COL12A1: variants seen among roughly 807,000 people sequenced by gnomAD.
COL12A1 encodes collagen type XII alpha 1 chain, also known as collagen alpha-1(XII) chain.
COL12A1 carries 114 observed loss-of-function variants against 349.7 expected under a neutral mutation model. The observed-to-expected ratio is 0.33, with a 90% CI of 0.28 to 0.38. The LOEUF (loss-of-function observed/expected upper bound fraction) is 0.38. Among genes scored for constraint, COL12A1 ranks in the 10% least tolerant of loss-of-function variants. The probability of loss-of-function intolerance (pLI) is 1.00; values close to 1 mark genes in which losing one functional copy is unlikely to be tolerated. For missense variants in COL12A1, 3,284 were observed against 3,756.9 expected (o/e 0.87, Z 3.29); for synonymous variants, 1,369 against 1,329.0 (o/e 1.03, Z -0.66).
rs566758431 is a variant in COL12A1 at position 75,186,199 on chromosome 6, A to G, written c.998-2055T>C. ...ACAGACAACATACAAAATGGGAGAA[A>G]ATTTTTGCAAACTATGCATCCAACA... On this transcript the variant is annotated intron_variant, in intron 8 of 65. Transcript: ENST00000322507. 2.8e-4 allele frequency among the ~76,000 whole-genome samples: 42 copies of G among 152,324 alleles called. No individual in the cohort carries two copies. In the South Asian group the frequency reaches 4.8e-3, roughly 17 times the overall value.
rs1225996894 is a variant in COL12A1 at position 75,146,164 on chromosome 6, C to G, written c.4498G>C (p.Ala1500Pro). Residue 1500 changes from alanine to proline, a missense_variant, in exon 24 of 66, where the codon GCT (alanine) becomes CCT (proline). This residue lies in a region of COL12A1 where 2,601 missense variants were observed against 2,824.8 expected (regional missense o/e 0.92). Coordinates refer to ENST00000322507, the MANE Select transcript of COL12A1 (RefSeq NM_004370.6). The part of the protein sequence containing the change: ...MHVQWQPVGG[A>P]TGYILSYKPV... ...TTGTATGACAAGATGTAGCCAGTAG[C>G]TCCTCCCACAGGCTGCCACTGCACA... 2 of 1,613,558 alleles carry G rather than the reference C, an allele frequency of 1.2e-6. No individual in the cohort carries two copies. Among genetic ancestry groups the G allele is most frequent in the African/African-American group, 2.7e-5 (2 of 74,902 alleles).
In COL12A1 at chr6:75,145,321, C is replaced by T. The variant is rs1767120188; in HGVS notation, c.4690+5G>A. On this transcript the variant is annotated splice_donor_5th_base_variant and intron_variant, in intron 25 of 65. Transcript: ENST00000322507. ...GAAGGGAAATAAAACTAAGCAGTAG[C>T]TTACAGGTGACTTCCCGAACAGTGA... is the stretch of plus-strand genomic sequence containing the variant. The T allele has an allele frequency of 6.3e-7, 1 of 1,599,774 alleles. No individual in the cohort carries two copies. The highest frequency in any genetic ancestry group is 8.5e-7 in the Non-Finnish European group (1 of 1,170,132).
Position 75,142,055 on chromosome 6 carries a change from G to C in COL12A1, c.4934C>G (p.Pro1645Arg). Residue 1645 changes from proline (P) to arginine (R), a missense_variant, in exon 27 of 66, where the codon CCA (proline) becomes CGA (arginine). By Grantham distance (103) the Pro-to-Arg change is moderately radical (BLOSUM62 -2). Around this residue, in one of 2 missense-constraint regions of COL12A1, gnomAD observed 2,601 missense variants for 2,824.8 expected, o/e 0.92. Transcript: ENST00000322507. ...SAVHDEGESP[P>R]VTAQETTRPV... ...ACGGGTAGTTTCTTGAGCAGTCACT[G>C]GAGGAGACTCCCCCTCGTCATGTAC... The C allele has an allele frequency of 6.2e-7, 1 of 1,614,102 alleles. No homozygotes were observed. The highest frequency in any genetic ancestry group is 1.1e-5 in the South Asian group (1 of 91,076).
chr6:75,096,874 C>T (rs1484653905), intron 59 of COL12A1, among the ~76,000 whole-genome samples: 1 of 117,026 alleles, frequency 8.5e-6, no homozygotes, highest in Non-Finnish European at 1.6e-5. Flanking sequence ...CCAGCCTGGG[C>T]GACAGAGCGA....
chr6:75,147,407 G>T (rs1234011126), intron 23 of COL12A1, among the ~76,000 whole-genome samples: 1 of 152,172 alleles, frequency 6.6e-6, no homozygotes, highest in Non-Finnish European at 1.5e-5. Flanking sequence ...TCTAAGAAGT[G>T]AATAACTCCA....
intron 29 of COL12A1, 37 bp downstream of exon 29, chr6:75,138,411 A>G (rs1766730680): frequency 6.2e-7 from 1 of 1,606,396 alleles, no homozygotes; most frequent in African/African-American, 1.3e-5. Flanking sequence ...AATTAACTTT[A>G]AAATATCAAT....
chr6:75,144,579 G>C (rs1054512858), intron 25 of COL12A1, among the ~76,000 whole-genome samples: 6 of 152,060 alleles, frequency 3.9e-5, no homozygotes, highest in African/African-American at 1.2e-4. Context: ...ATACCAGCTG[G>C]GTAAGGCAAG....
intron 13 of COL12A1, among the ~76,000 whole-genome samples, chr6:75,169,165 G>A (rs1318457748): frequency 6.6e-6 from 1 of 152,160 alleles, no homozygotes; most frequent in African/African-American, 2.4e-5. Context: ...GTGTTACCTA[G>A]CAAGGCATTT....
At chr6:75,162,611 C>T (rs1329391264) in intron 14 of COL12A1, among the ~76,000 whole-genome samples, 1 of 152,164 alleles carries the variant, frequency 6.6e-6, no homozygotes, top group Non-Finnish European at 1.5e-5. Context: ...GCAAAGGCTT[C>T]ATGACTAAAA....
At position 75,147,487 on chromosome 6, in the gene COL12A1, C is replaced by A. The variant is rs74503602; in HGVS notation, c.4417+188G>T. Among the ~76,000 whole-genome samples, 1,360 of 152,230 alleles carry A rather than the reference C, an allele frequency of 8.9e-3. 28 individuals are homozygous for A. Among genetic ancestry groups the A allele is most frequent in the African/African-American group, 0.031 (1,278 of 41,530 alleles). On this transcript the variant is annotated intron_variant, in intron 23 of 65. Coordinates refer to ENST00000322507, the MANE Select transcript of COL12A1 (RefSeq NM_004370.6). Reference sequence around the variant, plus strand: ...ATTCCACAGTGGAGCTCCATGATGGCAGAATCAGCCAGCAGGAGTAGAAAA... The same window carrying A: ...ATTCCACAGTGGAGCTCCATGATGGAAGAATCAGCCAGCAGGAGTAGAAAA...
intron 22 of COL12A1, 37 bp from the exon 23 acceptor site, chr6:75,147,841 A>G (rs1390815457): frequency 6.2e-7 from 1 of 1,600,958 alleles, no homozygotes; most frequent in Non-Finnish European, 8.5e-7. Context: ...CAACGTATGT[A>G]TAATCAGTTC....
At chr6:75,099,430 G>T (rs78213122) in intron 58 of COL12A1, among the ~76,000 whole-genome samples, 5,141 of 152,170 alleles carry the variant, frequency 0.034, 163 homozygotes, top group East Asian at 0.19. Flanking sequence ...TACTATATAG[G>T]ATGTTCTTTT....
rs756153238 is a variant in COL12A1, at chr6:75,189,336, G to A, written c.704C>T (p.Ala235Val). Residue 235 changes from alanine (A) to valine (V), a missense_variant, in exon 7 of 66, where the codon GCT becomes GTT. Physicochemically the swap from Ala to Val is moderately conservative, Grantham distance 64. Around this residue, in one of 2 missense-constraint regions of COL12A1, gnomAD observed 2,601 missense variants for 2,824.8 expected, o/e 0.92. Transcript: ENST00000322507. ...YLVKNTFTES[A>V]GARVGFPKVA... ...TTTAGGAAAGCCAACTCTTGCCCCA[G>A]CAGATTCCGTGAAAGTATTTTTAAC... 2.5e-6 allele frequency: 4 copies of A among 1,612,944 alleles called. No homozygotes were observed. The highest frequency in any genetic ancestry group is 1.1e-5 in the South Asian group (1 of 91,000).
At chr6:75,101,866 G>T in intron 57 of COL12A1, 133 bp downstream of exon 57, 2 of 1,075,124 alleles carry the variant, frequency 1.9e-6, no homozygotes, top group Non-Finnish European at 2.8e-6. Context: ...TAAGACCAGG[G>T]TATGAAATGG....
At chr6:75,158,844 T>G (rs904343854) in intron 14 of COL12A1, among the ~76,000 whole-genome samples, 2 of 151,318 alleles carry the variant, frequency 1.3e-5, no homozygotes, top group East Asian at 3.9e-4. Context: ...AAGAAAAAAT[T>G]TTTTTAATGA....
intron 13 of COL12A1, among the ~76,000 whole-genome samples, chr6:75,167,239 G>A (rs527403583): frequency 3.9e-5 from 6 of 152,048 alleles, no homozygotes; most frequent in South Asian, 4.1e-4. Flanking sequence ...TCTTTGTTTT[G>A]TTTTTTATTT....
chr6:75,133,833 A>T (rs751875748), intron 33 of COL12A1, 25 bp downstream of exon 33: 1 of 1,613,144 alleles, frequency 6.2e-7, no homozygotes, highest in Non-Finnish European at 8.5e-7. Flanking sequence ...ACAAACTAGC[A>T]TTTTTTACTA....
At chr6:75,198,708 A>C (rs1374522450) in intron 2 of COL12A1, among the ~76,000 whole-genome samples, 6 of 152,166 alleles carry the variant, frequency 3.9e-5, no homozygotes, top group Non-Finnish European at 8.8e-5. Context: ...GAGATGAATG[A>C]AGGGAAGGAT....
intron 12 of COL12A1, among the ~76,000 whole-genome samples, chr6:75,177,215 T>A (rs574053562): frequency 2.8e-4 from 42 of 152,270 alleles, no homozygotes; most frequent in Admixed American, 6.5e-4. Context: ...GTCGGCCAGA[T>A]CACCTGAGGT....
Sources: allele counts gnomAD v4.1 joint callset (sites outside exome capture counted in the v4.1 genomes callset), GRCh38; gene constraint gnomAD v4.1.1; regional missense constraint gnomAD v4.1.1; transcripts MANE v1.5; gene names NCBI Gene and HGNC (gene_info 2026-07-23, HGNC 2026-07-21).